The following CFTR variants were observed in gnomAD, a reference collection of about 807,000 sequenced individuals.
CFTR encodes the protein CF transmembrane conductance regulator, also known as cystic fibrosis transmembrane conductance regulator.
In CFTR, 181 loss-of-function variants were observed where a neutral mutation model predicts 171.6. The observed-to-expected ratio is 1.05, with a 90% CI of 0.93 to 1.19. The LOEUF (loss-of-function observed/expected upper bound fraction) is 1.19. CFTR is among the 50% of genes most tolerant of loss of function. CFTR has a pLI of 0.00. For synonymous variants in CFTR, 583 were observed against 608.0 expected, an observed-to-expected ratio of 0.96 and a Z score of 0.60; for missense variants, 1,968 against 1,734.7, an observed-to-expected ratio of 1.13 and a Z score of -2.39.
intron 5 of CFTR, 143 bp downstream of exon 5, chr7:117,534,508 A>G: frequency 1.5e-6 from 1 of 664,854 alleles, no homozygotes; most frequent in South Asian, 1.7e-5. Context: ...AAACTAAGAA[A>G]GGTCAATTGT....
intron 7 of CFTR, among the ~76,000 whole-genome samples, chr7:117,537,015 G>A (rs963592743): frequency 6.6e-6 from 1 of 152,170 alleles, no homozygotes; most frequent in Admixed American, 6.5e-5. Context: ...GGAACTGGGA[G>A]AGTATACAAT....
At position 117,509,093 on chromosome 7, in the gene CFTR, G is replaced by A. The variant is rs1800076; in HGVS notation, c.224G>A (p.Arg75Gln). Residue 75 changes from arginine to glutamine, a missense_variant, in exon 3 of 27, where the codon CGA (arginine) becomes CAA (glutamine). Arg to Gln is a conservative substitution (Grantham distance 43, BLOSUM62 1). Transcript: ENST00000003084. ...KNPKLINALRRCFFWRFMFYG... is the reference protein window; with the variant it reads ...KNPKLINALRQCFFWRFMFYG... ...CCTAAACTCATTAATGCCCTTCGGC[G>A]ATGTTTTTTCTGGAGATTTATGTTC... is the stretch of plus-strand genomic sequence containing the variant. 0.03 allele frequency: 48,477 copies of A among 1,611,610 alleles called. 1,043 individuals carry two copies. Among genetic ancestry groups the A allele is most frequent in the Non-Finnish European group, 0.038 (45,142 of 1,178,002 alleles).
At chr7:117,565,857 G>A (rs1015211658) in intron 11 of CFTR, among the ~76,000 whole-genome samples, 5 of 152,102 alleles carry the variant, frequency 3.3e-5, no homozygotes, top group Non-Finnish European at 1.5e-5. Context: ...CAAGAAGTAT[G>A]AAAAAGCTTG....
intron 3 of CFTR, among the ~76,000 whole-genome samples, chr7:117,524,271 C>A (rs1161361181): frequency 6.6e-6 from 1 of 151,752 alleles, no homozygotes; most frequent in Non-Finnish European, 1.5e-5. Context: ...GTAAATAATG[C>A]CCCTTGCTCT....
chr7:117,619,102 A>G (rs928863751), intron 21 of CFTR, among the ~76,000 whole-genome samples: 2 of 152,216 alleles, frequency 1.3e-5, no homozygotes, highest in African/African-American at 4.8e-5. Context: ...CCATACCTCA[A>G]ATACTATATG....
intron 11 of CFTR, among the ~76,000 whole-genome samples, chr7:117,580,156 A>G (rs1248190745): frequency 6.6e-6 from 1 of 152,080 alleles, no homozygotes; most frequent in South Asian, 2.1e-4. Flanking sequence ...GCAAAAGAAA[A>G]AGAGAAAAGA....
rs1800120 is a variant in CFTR at position 117,627,538 on chromosome 7, G to C, written c.3485G>C (p.Arg1162Pro). 5.0e-6 allele frequency: 8 copies of C among 1,613,148 alleles called. No homozygotes were observed. The South Asian group carries it at 8.8e-5, about 18-fold the overall frequency. The change falls in exon 22 of 27, where the codon CGA becomes CCA. Residue 1162 changes from arginine (R) to proline (P), a missense_variant. Coordinates refer to ENST00000003084, the MANE Select transcript of CFTR (RefSeq NM_000492.4). ...DVDSLMRSVS[R>P]VFKFIDMPTE... is the part of the protein sequence containing the mutation. ...TTATTTCAGATGCGATCTGTGAGCCGAGTCTTTAAGTTCATTGACATGCCA... is the reference window on the plus strand; with the variant it reads ...TTATTTCAGATGCGATCTGTGAGCCCAGTCTTTAAGTTCATTGACATGCCA...
chr7:117,560,915 G>C (rs1487594604), intron 11 of CFTR: 1 of 152,010 alleles, frequency 6.6e-6, no homozygotes, highest in Non-Finnish European at 1.5e-5. Context: ...TAAATCATGG[G>C]CTTTATTTAC....
intron 1 of CFTR, among the ~76,000 whole-genome samples, chr7:117,499,462 T>TGTGTGTGTGTG (rs1554375131): frequency 1.6e-4 from 24 of 149,258 alleles, no homozygotes; most frequent in South Asian, 2.2e-4. Context: ...TGTGTGTGTG[T>TGTGTGTGTGTG]TTAAAAAATC....
intron 22 of CFTR, among the ~76,000 whole-genome samples, chr7:117,636,369 A>AT (rs985887056): frequency 2.1e-4 from 32 of 151,202 alleles, no homozygotes; most frequent in East Asian, 1.9e-3. Flanking sequence ...TTTGTGTCGG[A>AT]TTTTTTTTGG....
chr7:117,600,898 A>G (rs1584816537), intron 15 of CFTR, among the ~76,000 whole-genome samples: 1 of 152,044 alleles, frequency 6.6e-6, no homozygotes, highest in East Asian at 1.9e-4. Context: ...ATATTTTTTT[A>G]AAGTATTATG....
At chr7:117,641,231 C>T (rs984199481) in intron 22 of CFTR, among the ~76,000 whole-genome samples, 3 of 152,036 alleles carry the variant, frequency 2.0e-5, no homozygotes, top group African/African-American at 7.2e-5. Context: ...AAATAGTGTT[C>T]AATAAATTAT....
chr7:117,504,410 T>C (rs1174343620), intron 2 of CFTR, 47 bp downstream of exon 2: 1 of 947,938 alleles, frequency 1.1e-6, no homozygotes, highest in East Asian at 2.6e-5. Flanking sequence ...TTCATATTAT[T>C]AATTATTTAG....
chr7:117,660,645 A>T (rs1222940225), intron 24 of CFTR, among the ~76,000 whole-genome samples: 1 of 151,548 alleles, frequency 6.6e-6, no homozygotes, highest in Non-Finnish European at 1.5e-5. Flanking sequence ...GGAAGAAAGA[A>T]AGATTATATT....
chr7:117,597,034 T>C (rs902124615), intron 15 of CFTR, among the ~76,000 whole-genome samples: 3 of 152,196 alleles, frequency 2.0e-5, no homozygotes, highest in Non-Finnish European at 4.4e-5. Flanking sequence ...CAGCAGGATG[T>C]GGGTGGGGCC....
intron 11 of CFTR, among the ~76,000 whole-genome samples, chr7:117,567,608 C>T (rs1791622865): frequency 6.6e-6 from 1 of 152,252 alleles, no homozygotes; most frequent in East Asian, 1.9e-4. Context: ...ATGGAAACAT[C>T]GTGTTTGGCA....
intron 23 of CFTR, among the ~76,000 whole-genome samples, chr7:117,652,179 C>T (rs1024366313): frequency 3.3e-5 from 5 of 152,100 alleles, no homozygotes; most frequent in African/African-American, 1.2e-4. Context: ...CTGTGCAATG[C>T]TCCATGCAGG....
intron 10 of CFTR, among the ~76,000 whole-genome samples, chr7:117,555,073 T>G (rs1484049147): frequency 3.3e-5 from 5 of 152,108 alleles, no homozygotes; most frequent in African/African-American, 1.2e-4. Context: ...TTGGAAAATT[T>G]TTGGGGTTTT....
chr7:117,511,007 C>T (rs1798508679), intron 3 of CFTR, among the ~76,000 whole-genome samples: 1 of 152,166 alleles, frequency 6.6e-6, no homozygotes, highest in African/African-American at 2.4e-5. Flanking sequence ...GCTCCAAAGC[C>T]TTTGACCCTT....
Sources: gnomAD v4.1 joint callset for allele counts (sites outside exome capture counted in the v4.1 genomes callset) on GRCh38, gnomAD v4.1.1 for gene constraint, MANE v1.5 for transcripts, NCBI Gene and HGNC (gene_info 2026-07-23, HGNC 2026-07-21) for gene names.